Variants in MEI4 observed in about 807,000 individuals in gnomAD.
MEI4 encodes the protein meiotic double-stranded break formation protein 4, also known as meiosis-specific protein MEI4.
MEI4 carries 27 observed loss-of-function variants against 31.4 expected under a neutral mutation model. The ratio of observed to expected loss-of-function variants is 0.86; its 90% CI spans 0.63 to 1.19. The LOEUF (loss-of-function observed/expected upper bound fraction) is 1.19. Ranked by LOEUF, MEI4 falls within the 50% of genes most tolerant of loss-of-function variation. The pLI is 0.00. For synonymous variants in MEI4, 122 were observed against 145.4 expected, an observed-to-expected ratio of 0.84 and a Z score of 1.16; for missense variants, 329 against 398.9, an observed-to-expected ratio of 0.82 and a Z score of 1.49.
intron 4 of MEI4, among the ~76,000 whole-genome samples, chr6:77,907,732 C>T (rs1766331753): frequency 6.6e-6 from 1 of 152,106 alleles, no homozygotes; most frequent in Non-Finnish European, 1.5e-5. Flanking sequence ...ACACTGACTG[C>T]CACAATGGTT....
chr6:77,689,955 C>T (rs576032439), intron 1 of MEI4, among the ~76,000 whole-genome samples: 1 of 151,964 alleles, frequency 6.6e-6, no homozygotes, highest in Non-Finnish European at 1.5e-5. Context: ...ATGCAGTGGT[C>T]TGTCATGTGG....
Position 77,732,941 on chromosome 6 carries a change from A to G in MEI4, c.233-28189A>G, listed in dbSNP as rs200128994. ...ATGCTGGTTACATTTATTGATTTGCATATATTGAACCAGCCTTGCATCCCA... is the reference window on the plus strand; with the variant it reads ...ATGCTGGTTACATTTATTGATTTGCGTATATTGAACCAGCCTTGCATCCCA... On this transcript the variant is annotated intron_variant, in intron 2 of 4. Coordinates refer to ENST00000684080, the MANE Select transcript of MEI4 (RefSeq NM_001322247.2). Among the ~76,000 whole-genome samples the G allele has an allele frequency of 4.0e-4, 60 of 148,808 alleles. 1 individual carries two copies. The East Asian group carries it at 7.1e-3, about 18-fold the overall frequency.
intron 2 of MEI4, among the ~76,000 whole-genome samples, chr6:77,719,480 C>G (rs1465746493): frequency 3.1e-4 from 14 of 45,054 alleles, no homozygotes; most frequent in South Asian, 5.4e-4. Flanking sequence ...AATAGGATAA[C>G]GATACCCAAT....
intron 4 of MEI4, among the ~76,000 whole-genome samples, chr6:77,844,558 T>C (rs1378579981): frequency 6.6e-6 from 1 of 152,154 alleles, no homozygotes; most frequent in Admixed American, 6.6e-5. Context: ...TTATTGCAAA[T>C]TGAAATCTTT....
chr6:77,852,537 A>AT (rs1299885193), intron 4 of MEI4, among the ~76,000 whole-genome samples: 9 of 144,660 alleles, frequency 6.2e-5, no homozygotes, highest in African/African-American at 2.3e-4. Context: ...ACCAACTTTT[A>AT]TTTTTTTGCT....
chr6:77,772,588 A>G (rs1768344405), intron 3 of MEI4, among the ~76,000 whole-genome samples: 1 of 152,044 alleles, frequency 6.6e-6, no homozygotes, highest in Non-Finnish European at 1.5e-5. Flanking sequence ...AATAAAAGCC[A>G]TATTTGACAG....
chr6:77,853,296 T>C (rs1770674411), intron 4 of MEI4, among the ~76,000 whole-genome samples: 1 of 152,224 alleles, frequency 6.6e-6, no homozygotes. Flanking sequence ...CTCATAGATT[T>C]ACAGAACATC....
chr6:77,883,728 A>ATATATATAT (rs1460857767), intron 4 of MEI4, among the ~76,000 whole-genome samples: 3 of 140,162 alleles, frequency 2.1e-5, no homozygotes, highest in African/African-American at 8.1e-5. Context: ...ATATATATAT[A>ATATATATAT]TATATATATA....
intron 4 of MEI4, among the ~76,000 whole-genome samples, chr6:77,852,060 T>C (rs1005287719): frequency 2.0e-5 from 3 of 152,310 alleles, no homozygotes; most frequent in South Asian, 4.1e-4. Flanking sequence ...TTAATGTAAA[T>C]ATAATTAAAC....
At chr6:77,734,048 GT>G (rs975786493) in intron 2 of MEI4, among the ~76,000 whole-genome samples, 96 of 152,028 alleles carry the variant, frequency 6.3e-4, no homozygotes, top group African/African-American at 1.6e-3. Context: ...TTACTTCCAA[GT>G]ATGTGGTCAG....
At chr6:77,871,005 A>G (rs1582238962) in intron 4 of MEI4, among the ~76,000 whole-genome samples, 1 of 152,190 alleles carries the variant, frequency 6.6e-6, no homozygotes, top group Non-Finnish European at 1.5e-5. Flanking sequence ...TTTTATAGTA[A>G]TAATGATACG....
At chr6:77,731,845 AT>A (rs1434447046) in intron 2 of MEI4, among the ~76,000 whole-genome samples, 1 of 152,036 alleles carries the variant, frequency 6.6e-6, no homozygotes, top group African/African-American at 2.4e-5. Context: ...CTTTCTACAT[AT>A]GGCTAGCCAG....
chr6:77,799,509 T>G (rs1299077987), intron 3 of MEI4, among the ~76,000 whole-genome samples: 1 of 152,176 alleles, frequency 6.6e-6, no homozygotes, highest in Non-Finnish European at 1.5e-5. Flanking sequence ...TAGATCCCAT[T>G]TGTCAAATTT....
At chr6:77,909,173 C>G (rs1766371840) in intron 4 of MEI4, among the ~76,000 whole-genome samples, 1 of 152,026 alleles carries the variant, frequency 6.6e-6, no homozygotes, top group African/African-American at 2.4e-5. Context: ...ACAGTGCAAT[C>G]AAACTAGAAC....
At chr6:77,706,117 T>G (rs1345693638) in intron 2 of MEI4, among the ~76,000 whole-genome samples, 2 of 152,170 alleles carry the variant, frequency 1.3e-5, no homozygotes, top group Non-Finnish European at 2.9e-5. Flanking sequence ...TAGAATTATT[T>G]TTCCCCAAGG....
At chr6:77,899,293 C>G (rs1361959701) in intron 4 of MEI4, among the ~76,000 whole-genome samples, 2 of 151,978 alleles carry the variant, frequency 1.3e-5, no homozygotes. Context: ...TGGAACAAAA[C>G]TGGAGTCTGT....
intron 3 of MEI4, among the ~76,000 whole-genome samples, chr6:77,768,109 G>C (rs1017068074): frequency 2.6e-5 from 4 of 152,132 alleles, no homozygotes; most frequent in African/African-American, 9.7e-5. Context: ...TTGAGTTCAG[G>C]CAGGTTAATG....
Position 77,926,612 on chromosome 6 carries a change from A to G in MEI4, c.*3266A>G, listed in dbSNP as rs1037691660. The G allele has an allele frequency of 9.2e-5, 14 of 151,898 alleles. No individual in the cohort carries two copies. Among genetic ancestry groups the G allele is most frequent in the African/African-American group, 3.1e-4 (13 of 41,402 alleles). 9.4% of individuals were successfully genotyped at this position (151,898 alleles called of 1,614,324 possible). ...TTTGCATTTCCAAAATTTTATGTAC[A>G]TTTACAGATTTTCTGAACGCCATAT... On this transcript the variant is annotated 3_prime_UTR_variant, in exon 5 of 5. Coordinates refer to ENST00000684080, the MANE Select transcript of MEI4 (RefSeq NM_001322247.2).
At chr6:77,657,117 C>A (rs988657019) in intron 1 of MEI4, among the ~76,000 whole-genome samples, 6 of 151,924 alleles carry the variant, frequency 3.9e-5, no homozygotes, top group Non-Finnish European at 7.4e-5. Flanking sequence ...CATCTTTTTT[C>A]AAAAATAAGG....
Sources: allele counts gnomAD v4.1 joint callset (sites outside exome capture counted in the v4.1 genomes callset), GRCh38; gene constraint gnomAD v4.1.1; transcripts MANE v1.5; gene names NCBI Gene and HGNC (gene_info 2026-07-23, HGNC 2026-07-21).